The following GREM2 variants were observed in gnomAD, a reference collection of about 807,000 sequenced individuals.
The protein encoded by GREM2 is gremlin 2, DAN family BMP antagonist.
GREM2 carries 11 observed loss-of-function variants against 14.2 expected under a neutral mutation model. The observed-to-expected ratio is 0.78, with a 90% CI of 0.49 to 1.28. The LOEUF (loss-of-function observed/expected upper bound fraction) is 1.28, where lower values mean the gene tolerates loss of function less well. Ranked by LOEUF, GREM2 falls within the 50% of genes most tolerant of loss-of-function variation. GREM2 has a pLI of 0.00. For missense variants in GREM2, 210 were observed against 218.5 expected, an observed-to-expected ratio of 0.96 and a Z score of 0.24; for synonymous variants, 98 against 97.6, an observed-to-expected ratio of 1.00 and a Z score of -0.02.
Position 240,540,037 on chromosome 1 carries a change from T to C in GREM2, c.-1-46561A>G, listed in dbSNP as rs1678551402. ...CAGGATCCCTTGCTATGTGCTGAGATTTTCTGTCTTATGACATTAGCTTGG... is the reference window on the plus strand; with the variant it reads ...CAGGATCCCTTGCTATGTGCTGAGACTTTCTGTCTTATGACATTAGCTTGG... On this transcript the variant is annotated intron_variant, in intron 1 of 1. Coordinates refer to ENST00000318160, the MANE Select transcript of GREM2 (RefSeq NM_022469.4). This position sits in a 1 kb window ranked among gnomAD's most constrained non-coding sequence, Gnocchi z 4.2. Among the ~76,000 whole-genome samples the C allele has an allele frequency of 6.6e-6, 1 of 152,210 alleles. No homozygotes were observed. The highest frequency in any genetic ancestry group is 6.5e-5 in the Admixed American group (1 of 15,280).
chr1:240,578,064 T>C (rs1300385766), intron 1 of GREM2, among the ~76,000 whole-genome samples: 1 of 152,130 alleles, frequency 6.6e-6, no homozygotes, highest in Non-Finnish European at 1.5e-5. Context: ...TTGTTGTTGT[T>C]GTTTTTGTGT....
In GREM2 at chr1:240,498,096, A is replaced by AGACAGAGCT. The variant is rs538693019; in HGVS notation, c.-1-4629_-1-4621dup. ...GATCTTATCAGAGAGAACAGAGCTA[A>AGACAGAGCT]GACAGAGCTGACAGAGCTAAATCAG... On this transcript the variant is annotated intron_variant, in intron 1 of 1. Coordinates refer to ENST00000318160, the MANE Select transcript of GREM2 (RefSeq NM_022469.4). 2.2e-4 allele frequency among the ~76,000 whole-genome samples: 34 copies of AGACAGAGCT among 152,342 alleles called. No homozygotes were observed. The East Asian group carries it at 6.4e-3, about 29-fold the overall frequency.
At chr1:240,580,885 A>G (rs1480508522) in intron 1 of GREM2, among the ~76,000 whole-genome samples, 1 of 152,180 alleles carries the variant, frequency 6.6e-6, no homozygotes, top group African/African-American at 2.4e-5. Flanking sequence ...GATATCCAAT[A>G]TATTGCCTAT....
At chr1:240,544,838 A>G (rs536261125) in intron 1 of GREM2, among the ~76,000 whole-genome samples, 1 of 152,334 alleles carries the variant, frequency 6.6e-6, no homozygotes, top group Admixed American at 6.5e-5. Context: ...CTCAACTATC[A>G]GGCCTCTCTG....
intron 1 of GREM2, among the ~76,000 whole-genome samples, chr1:240,522,257 G>GACTTTTGTGC (rs1678118924): frequency 6.6e-6 from 1 of 151,976 alleles, no homozygotes; most frequent in Non-Finnish European, 1.5e-5. Context: ...ATAGAGCACA[G>GACTTTTGTGC]ACTTTTGAAA....
chr1:240,574,885 G>A (rs763630012), intron 1 of GREM2, among the ~76,000 whole-genome samples: 1 of 152,114 alleles, frequency 6.6e-6, no homozygotes, highest in Non-Finnish European at 1.5e-5. Context: ...GAGGCAGGCG[G>A]ATCACGAGGT....
chr1:240,597,125 G>A (rs778666141), intron 1 of GREM2, among the ~76,000 whole-genome samples: 4 of 152,172 alleles, frequency 2.6e-5, no homozygotes, highest in Non-Finnish European at 5.9e-5. Context: ...AATGTGTCTT[G>A]CTTGGATTCC....
At position 240,531,575 on chromosome 1, in the gene GREM2, G is replaced by A. The variant is rs1266589015; in HGVS notation, c.-1-38099C>T. 1.4e-5 allele frequency: 12 copies of A among 873,560 alleles called. 1 individual carries two copies. The highest frequency in any genetic ancestry group is 5.4e-5 in the African/African-American group (3 of 55,070). The allele number at this position is 873,560 out of a possible 1,614,324, so 54.1% of individuals were successfully genotyped here. ...AAGCTTCCCAAACAAAGGAAATTAG[G>A]GAACAGAATAGTGGAGTTGGTGTGT... On this transcript the variant is annotated intron_variant, in intron 1 of 1. Coordinates refer to ENST00000318160, the MANE Select transcript of GREM2 (RefSeq NM_022469.4).
chr1:240,521,900 CATGGAT>C (rs1678107849), intron 1 of GREM2, among the ~76,000 whole-genome samples: 1 of 151,896 alleles, frequency 6.6e-6, no homozygotes, highest in Non-Finnish European at 1.5e-5. Context: ...TTACTTGAGC[CATGGAT>C]TTTGAGACCA....
intron 1 of GREM2, among the ~76,000 whole-genome samples, chr1:240,581,413 G>A (rs1679482614): frequency 6.6e-6 from 1 of 152,152 alleles, no homozygotes; most frequent in Non-Finnish European, 1.5e-5. Flanking sequence ...TGGTTGTTAT[G>A]AAGGTTAGCA....
intron 1 of GREM2, among the ~76,000 whole-genome samples, chr1:240,547,109 T>C (rs1298353202): frequency 6.6e-6 from 1 of 152,116 alleles, no homozygotes; most frequent in Non-Finnish European, 1.5e-5. Flanking sequence ...AGAAGGGTAT[T>C]CTTGGCAAGA....
chr1:240,563,748 C>G (rs1679118647), intron 1 of GREM2, among the ~76,000 whole-genome samples: 1 of 152,172 alleles, frequency 6.6e-6, no homozygotes, highest in Admixed American at 6.5e-5. Flanking sequence ...CATTTCTAGT[C>G]CATCTCCCCA....
intron 1 of GREM2, among the ~76,000 whole-genome samples, chr1:240,610,821 C>T (rs1366878134): frequency 1.3e-5 from 2 of 152,140 alleles, no homozygotes; most frequent in Admixed American, 6.5e-5. Context: ...GCAGAAAAAG[C>T]GCTTTTCATA....
At position 240,612,122 on chromosome 1, in the gene GREM2, T is replaced by A. The variant is rs1680152973; in HGVS notation, c.-240A>T. On this transcript the variant is annotated 5_prime_UTR_variant, in exon 1 of 2. Transcript: ENST00000318160. ...CGCGCGGTCCCAGGCTGGCTGCTCC[T>A]GCAGATGTGAAAGGAGCCCGGAGAC... 6.5e-6 allele frequency: 1 copy of A among 152,754 alleles called. No individual in the cohort carries two copies. The highest frequency in any genetic ancestry group is 2.4e-5 in the African/African-American group (1 of 41,588). The allele number at this position is 152,754 out of a possible 1,614,324, so 9.5% of individuals were successfully genotyped here.
chr1:240,609,316 C>A (rs1202748854), intron 1 of GREM2, among the ~76,000 whole-genome samples: 1 of 152,034 alleles, frequency 6.6e-6, no homozygotes, highest in Non-Finnish European at 1.5e-5. Context: ...ATCTTTCCAA[C>A]TGGAAGTGGT....
intron 1 of GREM2, among the ~76,000 whole-genome samples, chr1:240,514,986 C>G (rs1677922408): frequency 2.0e-5 from 3 of 151,838 alleles, no homozygotes; most frequent in Admixed American, 2.0e-4. Context: ...CTGAACAAAA[C>G]AAAACATACT....
rs200728081 is a variant in GREM2 at position 240,538,548 on chromosome 1, AT to A, written c.-1-45073del. ...GAGACCTTTGTCTCTCCAAAAAAAA[AT>A]AATAATAATAATACAAAAATTAACC... On this transcript the variant is annotated intron_variant, in intron 1 of 1. Transcript: ENST00000318160. Among the ~76,000 whole-genome samples, 330 of 150,116 alleles carry A rather than the reference AT, an allele frequency of 2.2e-3. 1 individual carries two copies. The highest frequency in any genetic ancestry group is 4.6e-3 in the African/African-American group (190 of 41,078).
At chr1:240,603,698 T>C (rs926412729) in intron 1 of GREM2, among the ~76,000 whole-genome samples, 4 of 152,094 alleles carry the variant, frequency 2.6e-5, no homozygotes, top group African/African-American at 9.7e-5. Flanking sequence ...CTTCTCAGAA[T>C]AATGTTTTTA....
chr1:240,564,770 A>T (rs1008191375), intron 1 of GREM2, among the ~76,000 whole-genome samples: 9 of 152,188 alleles, frequency 5.9e-5, no homozygotes, highest in Admixed American at 5.2e-4. Context: ...ATGTCTTTCC[A>T]TTCCCATTTG....
Sources: allele counts gnomAD v4.1 joint callset (sites outside exome capture counted in the v4.1 genomes callset), GRCh38; gene constraint gnomAD v4.1.1; non-coding constraint Gnocchi (gnomAD v3.1); transcripts MANE v1.5; gene names NCBI Gene and HGNC (gene_info 2026-07-23, HGNC 2026-07-21).